Variants in ADGRG4 observed in about 807,000 individuals in gnomAD.
ADGRG4 encodes G protein-coupled receptor 112.
A neutral mutation model predicts 126.2 loss-of-function variants in ADGRG4; 122 were observed. That is an observed-to-expected ratio of 0.97 (90% confidence interval 0.83 to 1.12). The LOEUF is 1.12. Ranked by LOEUF, ADGRG4 falls within the 50% of genes most tolerant of loss-of-function variation. ADGRG4 has a pLI of 0.00. For missense variants in ADGRG4, 2,481 were observed against 2,251.8 expected (o/e 1.10, Z -2.06); for synonymous variants, 943 against 838.7 (o/e 1.12, Z -2.15).
chrX:136,345,116 G>T lies in ADGRG4; in HGVS notation c.1410G>T (p.Glu470Asp). The T allele has an allele frequency of 8.3e-7, 1 of 1,209,724 alleles. No homozygotes were observed. The highest frequency in any genetic ancestry group is 1.8e-5 in the South Asian group (1 of 56,768). ...GGACTGCATCATCATTCCCACCTGAGCCTGTGCTCATCTCCACAGCTGCTC... is the reference window on the plus strand; with the variant it reads ...GGACTGCATCATCATTCCCACCTGATCCTGTGCTCATCTCCACAGCTGCTC... ...HVGTASSFPP[E>D]PVLISTAAPV... Residue 470 changes from glutamate to aspartate, a missense_variant, in exon 6 of 26, where the codon GAG (glutamate) becomes GAT (aspartate). Transcript: ENST00000394143.
chrX:136,372,485 T>C (rs1027179809), intron 14 of ADGRG4, among the ~76,000 whole-genome samples: 1 of 111,831 alleles, frequency 8.9e-6, no homozygotes, highest in Non-Finnish European at 1.9e-5. Context: ...TATCAGGTCA[T>C]GTCCTTACTT....
chrX:136,336,966 A>G lies in ADGRG4; in HGVS notation c.686-7426A>G, dbSNP rs760419694. ...TCCTTTGACTTTCCTCACCTTTTAG[A>G]TTTTTTTTGAAGGGATCTTGTTCTG... is the stretch of plus-strand genomic sequence containing the variant. On this transcript the variant is annotated intron_variant, in intron 5 of 25. Transcript: ENST00000394143. Among the ~76,000 whole-genome samples, 28 of 109,959 alleles carry G rather than the reference A, an allele frequency of 2.5e-4. No individual in the cohort carries two copies. In the Admixed American group the frequency reaches 2.6e-3, roughly 10 times the overall value.
At chrX:136,310,170 CAG>C (rs758152773) in intron 4 of ADGRG4, among the ~76,000 whole-genome samples, 130 of 110,352 alleles carry the variant, frequency 1.2e-3, no homozygotes, top group Non-Finnish European at 1.6e-3. Flanking sequence ...TATTTTGAGA[CAG>C]AGTCTCACTC....
At chrX:136,327,749 A>G (rs1286794317) in intron 5 of ADGRG4, among the ~76,000 whole-genome samples, 5 of 110,775 alleles carry the variant, frequency 4.5e-5, no homozygotes, top group Non-Finnish European at 9.4e-5. Context: ...ATTTTGTAAG[A>G]CACGTTCCTA....
chrX:136,343,757 A>T (rs12841028), intron 5 of ADGRG4, among the ~76,000 whole-genome samples: 1 of 111,993 alleles, frequency 8.9e-6, no homozygotes, highest in Non-Finnish European at 1.9e-5. Context: ...CTTACTCTGT[A>T]TAAGAAGCTA....
intron 22 of ADGRG4, among the ~76,000 whole-genome samples, chrX:136,404,548 G>A (rs2075395246): frequency 8.9e-6 from 1 of 111,986 alleles, no homozygotes; most frequent in African/African-American, 3.2e-5. Context: ...TAGCTACCCA[G>A]TTTCCCTCCT....
chrX:136,336,167 T>C (rs891355461), intron 5 of ADGRG4, among the ~76,000 whole-genome samples: 10 of 112,054 alleles, frequency 8.9e-5, no homozygotes, highest in Non-Finnish European at 1.9e-5. Context: ...AGAACTTTTC[T>C]ATGGTCTTTC....
At chrX:136,310,715 G>A (rs960245376) in intron 4 of ADGRG4, among the ~76,000 whole-genome samples, 2 of 111,122 alleles carry the variant, frequency 1.8e-5, no homozygotes, top group African/African-American at 6.6e-5. Context: ...GAATATCAAG[G>A]GTTGAGAAGG....
intron 5 of ADGRG4, among the ~76,000 whole-genome samples, chrX:136,337,886 A>G (rs915553402): frequency 9.0e-6 from 1 of 111,312 alleles, no homozygotes; most frequent in African/African-American, 3.3e-5. Flanking sequence ...TTTATTTTTT[A>G]ATATACATTC....
intron 17 of ADGRG4, 145 bp from the exon 18 acceptor site, chrX:136,393,390 T>A (rs1247623032): frequency 4.9e-6 from 2 of 409,594 alleles, no homozygotes; most frequent in Non-Finnish European, 8.3e-6. Flanking sequence ...ATGGCCCAAA[T>A]GTGTATGTGT....
chrX:136,357,938 G>C (rs1053218173), intron 10 of ADGRG4, among the ~76,000 whole-genome samples, 182 bp downstream of exon 10: 9 of 112,363 alleles, frequency 8.0e-5, no homozygotes, highest in African/African-American at 2.9e-4. Flanking sequence ...GTTTCGGTTG[G>C]TCATGGCACA....
rs769672728 is a variant in ADGRG4 at position 136,348,585 on chromosome X, T to C, written c.4879T>C (p.Ser1627Pro). 1 of 1,210,640 alleles carries C rather than the reference T, an allele frequency of 8.3e-7. No homozygotes were observed. The highest frequency in any genetic ancestry group is 1.1e-6 in the Non-Finnish European group (1 of 894,949). ...GATSKNKMVSSAFTTEMIEAP... is the reference protein window; with the variant it reads ...GATSKNKMVSPAFTTEMIEAP... Reference sequence around the variant, plus strand: ...TACTTCAAAAAACAAAATGGTTTCCTCTGCTTTCACTACAGAAATGATAGA... The same window carrying C: ...TACTTCAAAAAACAAAATGGTTTCCCCTGCTTTCACTACAGAAATGATAGA... Residue 1627 changes from serine to proline, a missense_variant, in exon 6 of 26, where the codon TCT (serine) becomes CCT (proline). Physicochemically the swap from Ser to Pro is moderately conservative, Grantham distance 74. Transcript: ENST00000394143.
At position 136,392,326 on chromosome X, in the gene ADGRG4, T is replaced by C; in HGVS notation, c.8006T>C (p.Ile2669Thr). The C allele has an allele frequency of 8.5e-7, 1 of 1,180,960 alleles. No homozygotes were observed. The highest frequency in any genetic ancestry group is 1.1e-6 in the Non-Finnish European group (1 of 876,668). ...CAAAACTTAGCTGACCCAGTGGTTATCACTCTGCAGCATATTGGAGGAAAC... is the reference window on the plus strand; with the variant it reads ...CAAAACTTAGCTGACCCAGTGGTTACCACTCTGCAGCATATTGGAGGAAAC... ...FIQNLADPVVITLQHIGGNQN... is the reference protein window; with the variant it reads ...FIQNLADPVVTTLQHIGGNQN... Residue 2669 changes from isoleucine (I) to threonine (T), a missense_variant, in exon 17 of 26, where the codon ATC becomes ACC. By Grantham distance (89) the Ile-to-Thr change is moderately conservative (BLOSUM62 -1). Coordinates refer to ENST00000394143, the MANE Select transcript of ADGRG4 (RefSeq NM_153834.4).
In ADGRG4 at chrX:136,349,503, G is replaced by T. The variant is rs375055159; in HGVS notation, c.5797G>T (p.Asp1933Tyr). Residue 1933 changes from aspartate (D) to tyrosine (Y), a missense_variant, in exon 6 of 26, where the codon GAT becomes TAT. Asp to Tyr is a radical substitution (Grantham distance 160). Coordinates refer to ENST00000394143, the MANE Select transcript of ADGRG4 (RefSeq NM_153834.4). Reference protein sequence around the residue: ...TASQTGLVSKDVMAMSSIPMS... With the variant: ...TASQTGLVSKYVMAMSSIPMS... Reference sequence around the variant, plus strand: ...CTCTCAGACTGGTCTAGTATCTAAAGATGTCATGGCAATGTCATCAATTCC... The same window carrying T: ...CTCTCAGACTGGTCTAGTATCTAAATATGTCATGGCAATGTCATCAATTCC... 1.0e-5 allele frequency: 12 copies of T among 1,203,678 alleles called. No individual in the cohort carries two copies. Among genetic ancestry groups the T allele is most frequent in the Non-Finnish European group, 1.3e-5 (12 of 889,645 alleles).
In ADGRG4 at chrX:136,403,022, T is replaced by C. The variant is rs746434876; in HGVS notation, c.8576-222T>C. Among the ~76,000 whole-genome samples the C allele has an allele frequency of 6.2e-5, 7 of 112,759 alleles. No homozygotes were observed. The South Asian group carries it at 2.6e-3, about 41-fold the overall frequency. On this transcript the variant is annotated intron_variant, in intron 21 of 25. Transcript: ENST00000394143. ...TATTTTTAATAACTAGTGGGCGTTG[T>C]ATTGGAGCCATTGGCATGCTGTCTA...
intron 15 of ADGRG4, among the ~76,000 whole-genome samples, chrX:136,380,604 C>CTCCTCCTCT (rs2075255832): frequency 2.9e-4 from 16 of 55,346 alleles, no homozygotes; most frequent in African/African-American, 8.5e-4. Flanking sequence ...CCTCCTCCTC[C>CTCCTCCTCT]TCTTCTTCTT....
intron 5 of ADGRG4, among the ~76,000 whole-genome samples, chrX:136,341,306 A>G (rs780959125): frequency 2.7e-5 from 3 of 112,417 alleles, no homozygotes; most frequent in Non-Finnish European, 3.8e-5. Context: ...TTAGTGTTTT[A>G]TTGTTTTCCT....
At chrX:136,403,347 CTGG>C in intron 22 of ADGRG4, 25 bp downstream of exon 22, 1 of 1,116,676 alleles carries the variant, frequency 9.0e-7, no homozygotes, top group South Asian at 1.8e-5. Context: ...CTCTGTTTCT[CTGG>C]TGGTGGGGCT....
At chrX:136,314,389 T>A (rs1303548111) in intron 4 of ADGRG4, among the ~76,000 whole-genome samples, 1 of 111,981 alleles carries the variant, frequency 8.9e-6, no homozygotes, top group Non-Finnish European at 1.9e-5. Context: ...TGGGCTTCAC[T>A]TACTACCATG....
Sources: gnomAD v4.1 joint callset for allele counts (sites outside exome capture counted in the v4.1 genomes callset) on GRCh38, gnomAD v4.1.1 for gene constraint, MANE v1.5 for transcripts, NCBI Gene and HGNC (gene_info 2026-07-23, HGNC 2026-07-21) for gene names.